Variants in KCNQ2 observed in about 807,000 individuals in gnomAD.
The protein encoded by KCNQ2 is potassium voltage-gated channel subfamily KQT member 2.
Under a neutral mutation model 84.8 loss-of-function variants are expected in KCNQ2, and 14 were observed. That is an observed-to-expected ratio of 0.17 (90% CI 0.11 to 0.26). The LOEUF is 0.26. Ranked by LOEUF, KCNQ2 falls within the 10% of genes least tolerant of loss-of-function variation. The pLI, the probability that KCNQ2 is intolerant of heterozygous loss-of-function variation, is 1.00. For synonymous variants in KCNQ2, 599 were observed against 554.1 expected, an observed-to-expected ratio of 1.08 and a Z score of -1.14; for missense variants, 788 against 1,254.0, an observed-to-expected ratio of 0.63 and a Z score of 5.61.
chr20:63,472,455 C>G lies in KCNQ2; in HGVS notation c.9G>C (p.Gln3His). 1 of 1,521,880 alleles carries G rather than the reference C, an allele frequency of 6.6e-7. No individual in the cohort carries two copies. 94.3% of individuals were successfully genotyped at this position (1,521,880 alleles called of 1,614,324 possible). ...GGTATACGCCGCCGTTGCGCGACTTCTGCACCATGGTGCCTGGCGGGAGGC... is the reference window on the plus strand; with the variant it reads ...GGTATACGCCGCCGTTGCGCGACTTGTGCACCATGGTGCCTGGCGGGAGGC... MV[Q>H]KSRNGGVYPG... The change falls in exon 1 of 17, where the codon CAG (glutamine) becomes CAC (histidine). Residue 3 changes from glutamine to histidine, a missense_variant. Coordinates refer to ENST00000359125, the MANE Select transcript of KCNQ2 (RefSeq NM_172107.4).
intron 11 of KCNQ2, among the ~76,000 whole-genome samples, chr20:63,421,025 C>T (rs1014226004): frequency 2.2e-4 from 33 of 152,246 alleles, no homozygotes; most frequent in Middle Eastern, 3.4e-3. Context: ...GCAAAGACCT[C>T]AGACTCCCAC....
chr20:63,426,129 C>T (rs547834447), intron 10 of KCNQ2, among the ~76,000 whole-genome samples: 2 of 152,354 alleles, frequency 1.3e-5, no homozygotes, highest in East Asian at 3.9e-4. Context: ...CTGCAGACTC[C>T]CGAAGTTCGA....
At position 63,405,241 on chromosome 20, in the gene KCNQ2, C is replaced by T. The variant is rs1254818885; in HGVS notation, c.*1403G>A. On this transcript the variant is annotated 3_prime_UTR_variant, in exon 17 of 17. Coordinates refer to ENST00000359125, the MANE Select transcript of KCNQ2 (RefSeq NM_172107.4). ...CCACGACCCCAGCCCTGCTCACTCC[C>T]AGGGAGGCCACTCTCCAGGGAGCCC... 1 of 152,298 alleles carries T rather than the reference C, an allele frequency of 6.6e-6. No homozygotes were observed. Among genetic ancestry groups the T allele is most frequent in the Non-Finnish European group, 1.5e-5 (1 of 68,114 alleles). The allele number at this position is 152,298 out of a possible 1,614,324, so 9.4% of individuals were successfully genotyped here.
chr20:63,416,677 G>A (rs1665496454), intron 12 of KCNQ2, among the ~76,000 whole-genome samples: 1 of 152,122 alleles, frequency 6.6e-6, no homozygotes, highest in Non-Finnish European at 1.5e-5. Context: ...ATCCCACGGC[G>A]GCTCCCCAGC....
intron 1 of KCNQ2, among the ~76,000 whole-genome samples, chr20:63,453,312 C>T (rs1365658684): frequency 1.3e-5 from 2 of 152,258 alleles, no homozygotes; most frequent in Non-Finnish European, 2.9e-5. Context: ...CCCCGAAGCT[C>T]CCGGCTCCAG....
intron 4 of KCNQ2, 68 bp downstream of exon 4, chr20:63,444,591 G>A: frequency 7.4e-7 from 1 of 1,356,546 alleles, no homozygotes; most frequent in African/African-American, 1.5e-5. Context: ...GCAGGGGTGG[G>A]GCCCGGTCTG....
At chr20:63,430,142 C>T (rs1600719436) in intron 9 of KCNQ2, among the ~76,000 whole-genome samples, 2 of 152,354 alleles carry the variant, frequency 1.3e-5, no homozygotes, top group South Asian at 2.1e-4. Context: ...GGCCATGCCT[C>T]GAACACACAG....
intron 12 of KCNQ2, among the ~76,000 whole-genome samples, chr20:63,418,133 T>G (rs1220532636): frequency 6.6e-6 from 1 of 152,194 alleles, no homozygotes; most frequent in African/African-American, 2.4e-5. Flanking sequence ...CCCGCCAGCC[T>G]GCCTCAGCTG....
chr20:63,458,185 C>T (rs566064154), intron 1 of KCNQ2, among the ~76,000 whole-genome samples: 2 of 152,280 alleles, frequency 1.3e-5, no homozygotes, highest in Non-Finnish European at 2.9e-5. Flanking sequence ...ACCCACTCTC[C>T]ACTGCCCCAT....
At position 63,408,924 on chromosome 20, in the gene KCNQ2, G is replaced by A. The variant is rs761074003; in HGVS notation, c.1764-388C>T. Among the ~76,000 whole-genome samples the A allele has an allele frequency of 6.6e-6, 1 of 152,218 alleles. No individual in the cohort carries two copies. The highest frequency in any genetic ancestry group is 1.5e-5 in the Non-Finnish European group (1 of 68,048). On this transcript the variant is annotated intron_variant, in intron 15 of 16. Coordinates refer to ENST00000359125, the MANE Select transcript of KCNQ2 (RefSeq NM_172107.4). This position sits in a 1 kb window ranked among gnomAD's most constrained non-coding sequence, Gnocchi z 5.0. The stretch of plus-strand genomic sequence containing the variant: ...CTATTGGCCCCACAGCCCACGGAGG[G>A]TCTCCCACTGCAGGGCCTGGAGCCC...
chr20:63,433,278 T>TGC (rs2080886850), intron 8 of KCNQ2, among the ~76,000 whole-genome samples: 1 of 152,206 alleles, frequency 6.6e-6, no homozygotes, highest in Non-Finnish European at 1.5e-5. Context: ...GTTGTCTGTG[T>TGC]GCTCTGTCCT....
rs969439776 is a variant in KCNQ2, at chr20:63,416,362, C to T, written c.1302-1236G>A. ...CGAGTTCTTCAACTCCAGCGTCCGC[C>T]GGGCGACAGTGAGGGGAGGGGAGGG... On this transcript the variant is annotated intron_variant, in intron 12 of 16. Transcript: ENST00000359125. 1.3e-3 allele frequency among the ~76,000 whole-genome samples: 203 copies of T among 152,312 alleles called. 1 individual carries two copies. Among genetic ancestry groups the T allele is most frequent in the African/African-American group, 4.7e-3 (196 of 41,578 alleles).
At chr20:63,424,248 G>A in intron 10 of KCNQ2, 42 bp from the exon 11 acceptor site, 1 of 1,551,164 alleles carries the variant, frequency 6.4e-7, no homozygotes, top group Non-Finnish European at 8.7e-7. Flanking sequence ...CGCCCACTCA[G>A]CACCCATGAG....
At chr20:63,443,875 G>A (rs1413348603) in intron 4 of KCNQ2, 1 of 152,266 alleles carries the variant, frequency 6.6e-6, no homozygotes, top group Admixed American at 6.5e-5. Context: ...GCCCTCCAGG[G>A]TCAGTAGCGT....
Position 63,424,897 on chromosome 20 carries a change from C to T in KCNQ2, c.1218-691G>A, listed in dbSNP as rs2080582905. Among the ~76,000 whole-genome samples the T allele has an allele frequency of 3.9e-5, 6 of 152,220 alleles. No individual in the cohort carries two copies. In the South Asian group the frequency reaches 1.2e-3, roughly 32 times the overall value. ...CTCATTCGAACACCTGGGCTGGTGC[C>T]CCGGCTGGTACGCCGTGTTACAAGC... On this transcript the variant is annotated intron_variant, in intron 10 of 16. Transcript: ENST00000359125.
At chr20:63,463,594 A>T (rs912323559) in intron 1 of KCNQ2, 1 of 152,232 alleles carries the variant, frequency 6.6e-6, no homozygotes, top group Non-Finnish European at 1.5e-5. Context: ...CAGGGCAGAC[A>T]TCCCAACCTC....
intron 15 of KCNQ2, chr20:63,411,975 C>G: frequency 1.5e-6 from 1 of 668,288 alleles, no homozygotes. Flanking sequence ...GAAACGGAAG[C>G]AACAGGGAGG....
intron 1 of KCNQ2, among the ~76,000 whole-genome samples, chr20:63,468,587 T>G (rs2082137496): frequency 6.6e-6 from 1 of 152,204 alleles, no homozygotes; most frequent in East Asian, 1.9e-4. Context: ...ACCGGGGGAC[T>G]TGAACATAGG....
At chr20:63,436,187 G>A (rs1011278797) in intron 7 of KCNQ2, among the ~76,000 whole-genome samples, 9 of 152,184 alleles carry the variant, frequency 5.9e-5, no homozygotes, top group Non-Finnish European at 1.0e-4. Flanking sequence ...GAAATCTTTC[G>A]TGAAAGGAAG....
Sources: allele counts gnomAD v4.1 joint callset (sites outside exome capture counted in the v4.1 genomes callset), GRCh38; gene constraint gnomAD v4.1.1; non-coding constraint Gnocchi (gnomAD v3.1); transcripts MANE v1.5; gene names NCBI Gene and HGNC (gene_info 2026-07-23, HGNC 2026-07-21).